The following EHD4 variants were observed in gnomAD, a reference collection of about 807,000 sequenced individuals.
EHD4 encodes EH domain containing 4.
EHD4 carries 37 observed loss-of-function variants against 51.0 expected under a neutral mutation model. The ratio of observed to expected loss-of-function variants is 0.73; its 90% confidence interval spans 0.56 to 0.95. EHD4 has a LOEUF of 0.95. Among genes scored for constraint, EHD4 ranks in the 40% least tolerant of loss-of-function variants. EHD4 has a pLI of 0.00. For missense variants in EHD4, 632 were observed against 733.1 expected, an observed-to-expected ratio of 0.86 and a Z score of 1.59; for synonymous variants, 297 against 317.3, an observed-to-expected ratio of 0.94 and a Z score of 0.68.
chr15:41,972,522 A>G lies in EHD4; in HGVS notation c.-28T>C. On this transcript the variant is annotated 5_prime_UTR_variant, in exon 1 of 6. Coordinates refer to ENST00000220325, the MANE Select transcript of EHD4 (RefSeq NM_139265.4). ...TGCCGCCAGTCCACGCTCGGATGGG[A>G]CCCTGCTCCGGGTTCGACTCTCCCC... 3 of 1,467,526 alleles carry G rather than the reference A, an allele frequency of 2.0e-6. No homozygotes were observed. The highest frequency in any genetic ancestry group is 2.7e-6 in the Non-Finnish European group (3 of 1,113,774). The allele number at this position is 1,467,526 out of a possible 1,614,324, so 90.9% of individuals were successfully genotyped here.
chr15:41,909,925 C>T, intron 4 of EHD4, 62 bp from the exon 5 acceptor site: 2 of 1,594,700 alleles, frequency 1.3e-6, no homozygotes, highest in Non-Finnish European at 1.7e-6. Flanking sequence ...AAGGAACAAA[C>T]AAGATTGCAT....
At chr15:41,930,986 T>C (rs1156618854) in intron 3 of EHD4, among the ~76,000 whole-genome samples, 1 of 152,170 alleles carries the variant, frequency 6.6e-6, no homozygotes, top group Non-Finnish European at 1.5e-5. Flanking sequence ...ATTAGAATCA[T>C]AATGAGATGG....
At chr15:41,967,802 C>T (rs2067969589) in intron 1 of EHD4, among the ~76,000 whole-genome samples, 1 of 152,160 alleles carries the variant, frequency 6.6e-6, no homozygotes, top group Non-Finnish European at 1.5e-5. Flanking sequence ...TGCCTGCTTC[C>T]AGTGTTCCAA....
intron 1 of EHD4, among the ~76,000 whole-genome samples, chr15:41,964,997 CCT>C (rs2067953248): frequency 6.6e-6 from 1 of 152,076 alleles, no homozygotes; most frequent in Non-Finnish European, 1.5e-5. Flanking sequence ...ATCTTGAACT[CCT>C]GGAGTCAAGT....
At chr15:41,955,059 C>T (rs2067878242) in intron 1 of EHD4, among the ~76,000 whole-genome samples, 1 of 152,096 alleles carries the variant, frequency 6.6e-6, no homozygotes, top group Admixed American at 6.5e-5. Context: ...ATAGATACAC[C>T]ATTAAAATAT....
intron 3 of EHD4, among the ~76,000 whole-genome samples, chr15:41,924,087 G>C (rs929674347): frequency 3.3e-5 from 5 of 152,196 alleles, no homozygotes; most frequent in African/African-American, 1.2e-4. Context: ...AAGGCATTGA[G>C]ACTTTGTTAA....
intron 3 of EHD4, among the ~76,000 whole-genome samples, chr15:41,937,234 C>T (rs772374565): frequency 2.0e-5 from 3 of 152,212 alleles, no homozygotes; most frequent in Non-Finnish European, 4.4e-5. Flanking sequence ...CTGCCATGGA[C>T]CCATGTTCCA....
Position 41,897,133 on chromosome 15 carries a change from C to T in EHD4, c.*3512G>A, listed in dbSNP as rs1193163093. The stretch of plus-strand genomic sequence containing the variant: ...CGTATTAACTGCATTGGTTAACCAA[C>T]ATTGGAACCCAATACTCTTGTATTA... On this transcript the variant is annotated 3_prime_UTR_variant, in exon 6 of 6. Coordinates refer to ENST00000220325, the MANE Select transcript of EHD4 (RefSeq NM_139265.4). The T allele has an allele frequency of 2.0e-5, 3 of 152,228 alleles. No individual in the cohort carries two copies. Among genetic ancestry groups the T allele is most frequent in the Non-Finnish European group, 4.4e-5 (3 of 68,040 alleles). The allele number at this position is 152,228 out of a possible 1,614,324, so 9.4% of individuals were successfully genotyped here.
chr15:41,899,338 T>C lies in EHD4; in HGVS notation c.*1307A>G, dbSNP rs2067460646. The C allele has an allele frequency of 1.3e-5, 2 of 152,026 alleles. No homozygotes were observed. Among genetic ancestry groups the C allele is most frequent in the Non-Finnish European group, 2.9e-5 (2 of 67,980 alleles). The allele number at this position is 152,026 out of a possible 1,614,324, so 9.4% of individuals were successfully genotyped here. A position where few individuals can be genotyped will look rare whatever the true frequency, so the allele number is the denominator to read the frequency against. On this transcript the variant is annotated 3_prime_UTR_variant, in exon 6 of 6. Transcript: ENST00000220325. ...GTGTCTGAGCAGCAGTCCAGAGAGG[T>C]TTACTCAGGGGATTTGGGGAGCGCA...
intron 4 of EHD4, among the ~76,000 whole-genome samples, chr15:41,917,425 T>C (rs994638401): frequency 2.0e-5 from 3 of 152,202 alleles, no homozygotes; most frequent in Non-Finnish European, 4.4e-5. Context: ...GGCCTCCTTA[T>C]TTATTTATAT....
At position 41,964,099 on chromosome 15, in the gene EHD4, C is replaced by T. The variant is rs1287516163; in HGVS notation, c.236+8160G>A. On this transcript the variant is annotated intron_variant, in intron 1 of 5. Coordinates refer to ENST00000220325, the MANE Select transcript of EHD4 (RefSeq NM_139265.4). ...GGCAGAGCTTGCAGTGAGCTGAGATCGCGCCACTGCACTCCAGCCTGGGTG... is the reference window on the plus strand; with the variant it reads ...GGCAGAGCTTGCAGTGAGCTGAGATTGCGCCACTGCACTCCAGCCTGGGTG... Among the ~76,000 whole-genome samples, 4 of 135,898 alleles carry T rather than the reference C, an allele frequency of 2.9e-5. No individual in the cohort carries two copies. The East Asian group carries it at 6.9e-4, about 23-fold the overall frequency. 89.2% of individuals were successfully genotyped at this position (135,898 alleles called of 152,430 possible).
In EHD4 at chr15:41,898,455, G is replaced by T. The variant is rs1445783001; in HGVS notation, c.*2190C>A. 6.6e-6 allele frequency: 1 copy of T among 152,228 alleles called. No homozygotes were observed. Among genetic ancestry groups the T allele is most frequent in the Non-Finnish European group, 1.5e-5 (1 of 68,044 alleles). 9.4% of individuals were successfully genotyped at this position (152,228 alleles called of 1,614,324 possible). ...AAGATAATTCTGGATGGAAAAATCAGTTTGCCTGGGCATCTGTAAACCTTT... is the reference window on the plus strand; with the variant it reads ...AAGATAATTCTGGATGGAAAAATCATTTTGCCTGGGCATCTGTAAACCTTT... On this transcript the variant is annotated 3_prime_UTR_variant, in exon 6 of 6. Transcript: ENST00000220325.
At chr15:41,934,587 A>C (rs969843833) in intron 3 of EHD4, among the ~76,000 whole-genome samples, 6 of 152,132 alleles carry the variant, frequency 3.9e-5, no homozygotes, top group African/African-American at 1.4e-4. Flanking sequence ...TTCTAGGACT[A>C]CAAGTGTGAG....
At position 41,919,350 on chromosome 15, in the gene EHD4, C is replaced by T; in HGVS notation, c.784G>A (p.Ala262Thr). The part of the protein sequence containing the change: ...VLRVYIGSFW[A>T]QPLQNTDNRR... The stretch of plus-strand genomic sequence containing the variant: ...TTGTCCGTGTTCTGCAGGGGCTGCG[C>T]CCAGAAGGAGCCAATGTAGACGCGC... Residue 262 changes from alanine to threonine, a missense_variant, in exon 4 of 6, where the codon GCG (alanine) becomes ACG (threonine). By Grantham distance (58) the Ala-to-Thr change is moderately conservative. Transcript: ENST00000220325. The T allele has an allele frequency of 6.2e-7, 1 of 1,614,180 alleles. No individual in the cohort carries two copies. The highest frequency in any genetic ancestry group is 1.1e-5 in the South Asian group (1 of 91,070).
At chr15:41,930,933 T>C (rs376615145) in intron 3 of EHD4, among the ~76,000 whole-genome samples, 9 of 152,284 alleles carry the variant, frequency 5.9e-5, no homozygotes, top group African/African-American at 2.2e-4. Flanking sequence ...TAAAAAGGTA[T>C]ACATGAAAAG....
At chr15:41,953,150 T>C (rs966533840) in intron 2 of EHD4, among the ~76,000 whole-genome samples, 1 of 152,032 alleles carries the variant, frequency 6.6e-6, no homozygotes, top group African/African-American at 2.4e-5. Flanking sequence ...TGAGGGGTCC[T>C]GTTCTGGAGT....
intron 4 of EHD4, among the ~76,000 whole-genome samples, chr15:41,917,046 G>A (rs1354763283): frequency 6.6e-6 from 1 of 152,150 alleles, no homozygotes; most frequent in African/African-American, 2.4e-5. Flanking sequence ...AGGATGGCAG[G>A]GAAGCTCTAC....
intron 2 of EHD4, among the ~76,000 whole-genome samples, chr15:41,949,939 T>C (rs369450838): frequency 3.6e-4 from 55 of 152,240 alleles, no homozygotes; most frequent in African/African-American, 1.3e-3. Flanking sequence ...TCCTCCTCTG[T>C]GAGGGGCAAC....
At chr15:41,951,431 T>A (rs2067851821) in intron 2 of EHD4, among the ~76,000 whole-genome samples, 1 of 152,234 alleles carries the variant, frequency 6.6e-6, no homozygotes, top group Non-Finnish European at 1.5e-5. Context: ...TTCTTTTCTG[T>A]ACTCATCTGT....
Sources: gnomAD v4.1 joint callset for allele counts (sites outside exome capture counted in the v4.1 genomes callset) on GRCh38, gnomAD v4.1.1 for gene constraint, MANE v1.5 for transcripts, NCBI Gene and HGNC (gene_info 2026-07-23, HGNC 2026-07-21) for gene names.